The following VPS54 variants were observed in gnomAD, a reference collection of about 807,000 sequenced individuals.
The protein encoded by VPS54 is VPS54 subunit of GARP complex.
VPS54 carries 45 observed loss-of-function variants against 121.5 expected under a neutral mutation model. That is an observed-to-expected ratio of 0.37 (90% CI 0.29 to 0.47). The LOEUF (loss-of-function observed/expected upper bound fraction) is 0.47, where lower values mean the gene tolerates loss of function less well. VPS54 is among the 20% of genes least tolerant of loss of function. The probability of loss-of-function intolerance (pLI) is 0.99; values close to 1 mark genes in which losing one functional copy is unlikely to be tolerated. For synonymous variants in VPS54, 371 were observed against 385.8 expected (o/e 0.96, Z 0.45); for missense variants, 1,090 against 1,131.4 (o/e 0.96, Z 0.52).
chr2:63,998,501 G>T (rs1677715601), intron 1 of VPS54, among the ~76,000 whole-genome samples: 1 of 151,994 alleles, frequency 6.6e-6, no homozygotes, highest in Non-Finnish European at 1.5e-5. Flanking sequence ...CTTCCTCTTA[G>T]TAAAGGTGAT....
intron 1 of VPS54, among the ~76,000 whole-genome samples, chr2:64,006,055 A>G (rs1203694589): frequency 6.6e-6 from 1 of 152,236 alleles, no homozygotes; most frequent in African/African-American, 2.4e-5. Context: ...CTAGACTAAA[A>G]TAAATTATGT....
chr2:63,899,070 A>G lies in VPS54; in HGVS notation c.2733+404T>C, dbSNP rs538858099. ...CAGATTGAGTTAATTATATGTGTTA[A>G]TCTTATTAACTCTATCACTAATTCT... On this transcript the variant is annotated intron_variant, in intron 21 of 22. Coordinates refer to ENST00000272322, the MANE Select transcript of VPS54 (RefSeq NM_016516.3). Among the ~76,000 whole-genome samples the G allele has an allele frequency of 2.0e-5, 3 of 152,314 alleles. No individual in the cohort carries two copies. The East Asian group carries it at 5.8e-4, about 29-fold the overall frequency.
At chr2:64,005,533 T>C (rs1678104079) in intron 1 of VPS54, among the ~76,000 whole-genome samples, 1 of 152,240 alleles carries the variant, frequency 6.6e-6, no homozygotes, top group Non-Finnish European at 1.5e-5. Context: ...GTGACAAAGC[T>C]ACAGGTACTG....
intron 7 of VPS54, among the ~76,000 whole-genome samples, chr2:63,953,696 C>G (rs1455293158): frequency 6.6e-6 from 1 of 151,862 alleles, no homozygotes; most frequent in Non-Finnish European, 1.5e-5. Context: ...GAGAGACAGA[C>G]AGATAGATGG....
At position 63,913,280 on chromosome 2, in the gene VPS54, G is replaced by C. The variant is rs1266700717; in HGVS notation, c.2365C>G (p.Leu789Val). 2 of 1,609,586 alleles carry C rather than the reference G, an allele frequency of 1.2e-6. No homozygotes were observed. Among genetic ancestry groups the C allele is most frequent in the Non-Finnish European group, 1.7e-6 (2 of 1,178,276 alleles). Reference sequence around the variant, plus strand: ...ACAACTTGCAGTGCACCAGCTCCAAGAACTAACTGGCAACTTCTTGAATTG... The same window carrying C: ...ACAACTTGCAGTGCACCAGCTCCAACAACTAACTGGCAACTTCTTGAATTG... ...YFNSRSCQLV[L>V]GAGALQVVGL... Residue 789 changes from leucine to valine, a missense_variant, in exon 18 of 23, where the codon CTT (leucine) becomes GTT (valine). Coordinates refer to ENST00000272322, the MANE Select transcript of VPS54 (RefSeq NM_016516.3).
chr2:63,989,869 G>A (rs1448235137), intron 1 of VPS54, among the ~76,000 whole-genome samples: 1 of 152,228 alleles, frequency 6.6e-6, no homozygotes, highest in Non-Finnish European at 1.5e-5. Context: ...ATGTGGACCT[G>A]TTAAAACAGG....
intron 3 of VPS54, among the ~76,000 whole-genome samples, chr2:63,980,069 G>A (rs775377353): frequency 1.5e-4 from 23 of 152,208 alleles, no homozygotes; most frequent in Admixed American, 9.2e-4. Flanking sequence ...TGAAATCTCC[G>A]TAATTATGAA....
At chr2:63,984,898 A>G (rs1676970944) in intron 1 of VPS54, among the ~76,000 whole-genome samples, 1 of 152,224 alleles carries the variant, frequency 6.6e-6, no homozygotes. Context: ...CACCTAGTCT[A>G]AGTTCTCTCA....
At chr2:63,944,220 G>T (rs1264639569) in intron 10 of VPS54, among the ~76,000 whole-genome samples, 3 of 151,974 alleles carry the variant, frequency 2.0e-5, no homozygotes, top group African/African-American at 7.3e-5. Flanking sequence ...TCTATGTTCT[G>T]TCCCTGTCCA....
chr2:63,980,693 T>C (rs893513834), intron 3 of VPS54, among the ~76,000 whole-genome samples: 4 of 152,124 alleles, frequency 2.6e-5, no homozygotes, highest in African/African-American at 9.6e-5. Context: ...TATCCTCATG[T>C]TTAGAAGACT....
intron 20 of VPS54, among the ~76,000 whole-genome samples, chr2:63,909,354 A>G (rs1354224849): frequency 7.3e-5 from 11 of 149,730 alleles, no homozygotes. Flanking sequence ...TCTAGCTGTT[A>G]GTACAATTAG....
chr2:64,006,161 A>G (rs1678144196), intron 1 of VPS54, among the ~76,000 whole-genome samples: 2 of 152,234 alleles, frequency 1.3e-5, no homozygotes, highest in Non-Finnish European at 2.9e-5. Flanking sequence ...CACCCAATAC[A>G]AAGTCTAAGC....
chr2:63,921,122 G>T, intron 13 of VPS54, 84 bp downstream of exon 13: 1 of 1,411,150 alleles, frequency 7.1e-7, no homozygotes, highest in South Asian at 1.5e-5. Flanking sequence ...TATGCATTAT[G>T]GGGAACACAG....
At chr2:63,968,863 C>CAAAAAAAAAAAAAAAAAA (rs34977697) in intron 5 of VPS54, 94 bp downstream of exon 5, 1 of 830,738 alleles carries the variant, frequency 1.2e-6, no homozygotes. Flanking sequence ...GCCAAAGGGT[C>CAAAAAAAAAAAAAAAAAA]AAAAAAAAAA....
chr2:63,961,213 T>C lies in VPS54; in HGVS notation c.1010+845A>G, dbSNP rs150506892. On this transcript the variant is annotated intron_variant, in intron 7 of 22. Coordinates refer to ENST00000272322, the MANE Select transcript of VPS54 (RefSeq NM_016516.3). Reference sequence around the variant, plus strand: ...ACATGTAATAGGTGCTCAACAGCCATACCTTAACTGAATGAATCAATCAAT... The same window carrying C: ...ACATGTAATAGGTGCTCAACAGCCACACCTTAACTGAATGAATCAATCAAT... Among the ~76,000 whole-genome samples, 76 of 152,212 alleles carry C rather than the reference T, an allele frequency of 5.0e-4. 1 individual carries two copies. Among genetic ancestry groups the C allele is most frequent in the Non-Finnish European group, 8.4e-4 (57 of 68,020 alleles).
At chr2:63,967,864 C>T (rs1676082455) in intron 5 of VPS54, among the ~76,000 whole-genome samples, 1 of 151,824 alleles carries the variant, frequency 6.6e-6, no homozygotes, top group Non-Finnish European at 1.5e-5. Context: ...CAAGAAAGTA[C>T]CCATGTAAAG....
At chr2:63,946,234 T>C (rs1674971775) in intron 9 of VPS54, among the ~76,000 whole-genome samples, 1 of 152,190 alleles carries the variant, frequency 6.6e-6, no homozygotes, top group Non-Finnish European at 1.5e-5. Flanking sequence ...CTCATTAATG[T>C]ATAGTATTCC....
intron 10 of VPS54, among the ~76,000 whole-genome samples, chr2:63,943,707 T>TTTTC (rs36057474): frequency 0.35 from 45,420 of 130,146 alleles, 8,995 homozygotes; most frequent in Non-Finnish European, 0.38. Flanking sequence ...GGAATTTTTC[T>TTTTC]TTTCTTTCTT....
intron 16 of VPS54, 104 bp downstream of exon 16, chr2:63,916,796 G>A: frequency 1.8e-6 from 2 of 1,112,172 alleles, no homozygotes; most frequent in Non-Finnish European, 2.7e-6. Flanking sequence ...ATTTAACACT[G>A]TTAAAACTGT....
Sources: gnomAD v4.1 joint callset for allele counts (sites outside exome capture counted in the v4.1 genomes callset) on GRCh38, gnomAD v4.1.1 for gene constraint, MANE v1.5 for transcripts, NCBI Gene and HGNC (gene_info 2026-07-23, HGNC 2026-07-21) for gene names.